Variants in SUSD3 observed in about 807,000 individuals in gnomAD.
SUSD3 encodes sushi domain containing 3.
In SUSD3, 18 loss-of-function variants were observed where a neutral mutation model predicts 20.6. The observed-to-expected ratio is 0.87, with a 90% CI of 0.60 to 1.30. The LOEUF is 1.30. SUSD3 is among the 50% of genes most tolerant of loss of function. SUSD3 has a pLI of 0.00. For synonymous variants in SUSD3, 137 were observed against 141.5 expected (o/e 0.97, Z 0.23); for missense variants, 306 against 346.9 (o/e 0.88, Z 0.94).
intron 2 of SUSD3, among the ~76,000 whole-genome samples, chr9:93,076,211 A>G (rs1188289160): frequency 6.6e-6 from 1 of 152,206 alleles, no homozygotes; most frequent in South Asian, 2.1e-4. Flanking sequence ...CGGGCCTCCA[A>G]TCCTGGCTCT....
intron 1 of SUSD3, among the ~76,000 whole-genome samples, chr9:93,059,604 C>T (rs1435952462): frequency 2.0e-5 from 3 of 152,136 alleles, no homozygotes; most frequent in African/African-American, 7.2e-5. Context: ...AGCTTACTTC[C>T]GCGGCCACTG....
At position 93,084,850 on chromosome 9, in the gene SUSD3, G is replaced by A. The variant is rs1255961555; in HGVS notation, c.*103G>A. 1.2e-5 allele frequency: 13 copies of A among 1,071,506 alleles called. No homozygotes were observed. Among genetic ancestry groups the A allele is most frequent in the African/African-American group, 6.5e-5 (4 of 61,276 alleles). The allele number at this position is 1,071,506 out of a possible 1,614,324, so 66.4% of individuals were successfully genotyped here. On this transcript the variant is annotated 3_prime_UTR_variant, in exon 5 of 5. Transcript: ENST00000375472. ...CATCAACTCCACATGCGCCCAGCTC[G>A]AGACTGATGAGTGGAATCAGCTTCC...
In SUSD3 at chr9:93,083,380, G is replaced by A. The variant is rs574472241; in HGVS notation, c.558-1157G>A. On this transcript the variant is annotated intron_variant, in intron 4 of 4. Coordinates refer to ENST00000375472, the MANE Select transcript of SUSD3 (RefSeq NM_145006.4). ...CCCCGGGCTCCCAGGCAGGATCCTC[G>A]GGATATGCCTGTGCTGGGGCTGCCC... Among the ~76,000 whole-genome samples the A allele has an allele frequency of 2.0e-3, 311 of 152,320 alleles. 1 individual carries two copies. Among genetic ancestry groups the A allele is most frequent in the African/African-American group, 5.4e-3 (226 of 41,586 alleles).
At chr9:93,064,921 A>G (rs1447265919) in intron 1 of SUSD3, among the ~76,000 whole-genome samples, 2 of 152,202 alleles carry the variant, frequency 1.3e-5, no homozygotes, top group Admixed American at 6.5e-5. Flanking sequence ...CCTTGAGTGC[A>G]TGGGAGGCCC....
intron 1 of SUSD3, among the ~76,000 whole-genome samples, chr9:93,074,616 CT>C (rs989411910): frequency 0.015 from 1,428 of 96,298 alleles, 15 homozygotes; most frequent in African/African-American, 0.059. Context: ...GCAGCAGATT[CT>C]TTTTTTTTTT....
Position 93,075,842 on chromosome 9 carries a change from T to C in SUSD3, c.147T>C (p.Asn49=). Residue 49 remains asparagine, a synonymous_variant, in exon 2 of 5, where the codon AAT becomes AAC. Coordinates refer to ENST00000375472, the MANE Select transcript of SUSD3 (RefSeq NM_145006.4). The part of the protein sequence containing the change: ...PQATFQVLRG[N]GASVGTVLMF... ...CAACCTTCCAAGTCCTTCGTGGCAA[T>C]GGTGCTTCCGTGGGGACCGTGCTCA... The C allele has an allele frequency of 6.2e-7, 1 of 1,601,008 alleles. No homozygotes were observed.
At position 93,079,611 on chromosome 9, in the gene SUSD3, G is replaced by A. The variant is rs780645603; in HGVS notation, c.557+9G>A. The A allele has an allele frequency of 1.1e-5, 17 of 1,613,086 alleles. No homozygotes were observed. The highest frequency in any genetic ancestry group is 3.3e-5 in the Admixed American group (2 of 59,986). ...AACCACAGCTTCACCACGTGAGCCC[G>A]GGTCTGGGTAGGGGACATGCTGGGG... On this transcript the variant is annotated intron_variant, in intron 4 of 4. Coordinates refer to ENST00000375472, the MANE Select transcript of SUSD3 (RefSeq NM_145006.4).
chr9:93,084,417 G>A (rs1168799897), intron 4 of SUSD3, 120 bp from the exon 5 acceptor site: 1 of 890,800 alleles, frequency 1.1e-6, no homozygotes, highest in Non-Finnish European at 1.6e-6. Flanking sequence ...GGGCTCCCCA[G>A]TGCTCAGGGC....
rs190877323 is a variant in SUSD3 at position 93,060,018 on chromosome 9, G to A, written c.88+1188G>A. ...ACTACCTGAGGAGCCCCTTCTACTGGCACAACAGCCTGGGGGCGTGGGTGC... is the reference window on the plus strand; with the variant it reads ...ACTACCTGAGGAGCCCCTTCTACTGACACAACAGCCTGGGGGCGTGGGTGC... On this transcript the variant is annotated intron_variant, in intron 1 of 4. Coordinates refer to ENST00000375472, the MANE Select transcript of SUSD3 (RefSeq NM_145006.4). Among the ~76,000 whole-genome samples the A allele has an allele frequency of 3.5e-3, 536 of 152,336 alleles. 1 individual carries two copies. Among genetic ancestry groups the A allele is most frequent in the African/African-American group, 0.012 (511 of 41,576 alleles).
intron 1 of SUSD3, chr9:93,069,149 G>A: frequency 1.4e-6 from 1 of 702,760 alleles, no homozygotes; most frequent in Non-Finnish European, 2.6e-6. Flanking sequence ...GAGATAATTT[G>A]TAAGTTTTAC....
chr9:93,058,869 C>T, intron 1 of SUSD3, 39 bp downstream of exon 1: 1 of 1,191,274 alleles, frequency 8.4e-7, no homozygotes, highest in South Asian at 3.0e-5. Context: ...CGGGGCTCTG[C>T]GCCCATTTCA....
chr9:93,059,993 ACTAC>A (rs1180523284), intron 1 of SUSD3, among the ~76,000 whole-genome samples: 1 of 152,210 alleles, frequency 6.6e-6, no homozygotes, highest in Non-Finnish European at 1.5e-5. Context: ...AGGGCCTGGT[ACTAC>A]CTGAGGAGCC....
chr9:93,079,754 G>T lies in SUSD3; in HGVS notation c.557+152G>T. 5.2e-6 allele frequency: 4 copies of T among 776,616 alleles called. No individual in the cohort carries two copies. The South Asian group carries it at 5.4e-5, about 10-fold the overall frequency. The allele number at this position is 776,616 out of a possible 1,614,324, so 48.1% of individuals were successfully genotyped here. Reference sequence around the variant, plus strand: ...CTTAACTCCCATCTCTAAAACAAGAGGCTGGTGGTCCTTGTAGCACTCTGT... The same window carrying T: ...CTTAACTCCCATCTCTAAAACAAGATGCTGGTGGTCCTTGTAGCACTCTGT... On this transcript the variant is annotated intron_variant, in intron 4 of 4. Transcript: ENST00000375472.
At chr9:93,078,086 G>A in intron 3 of SUSD3, 93 bp downstream of exon 3, 1 of 1,554,418 alleles carries the variant, frequency 6.4e-7, no homozygotes, top group East Asian at 2.2e-5. Flanking sequence ...GGGAACCCCG[G>A]CACTGCCCTC....
intron 1 of SUSD3, among the ~76,000 whole-genome samples, chr9:93,060,035 C>A (rs1056122033): frequency 1.3e-5 from 2 of 152,206 alleles, no homozygotes; most frequent in Non-Finnish European, 2.9e-5. Context: ...AGCCTGGGGG[C>A]GTGGGTGCCA....
At chr9:93,063,209 G>T (rs562646028) in intron 1 of SUSD3, among the ~76,000 whole-genome samples, 2 of 152,320 alleles carry the variant, frequency 1.3e-5, no homozygotes, top group African/African-American at 4.8e-5. Flanking sequence ...GCTAAGGGCT[G>T]AAGTTTCCCT....
intron 1 of SUSD3, among the ~76,000 whole-genome samples, chr9:93,073,071 T>G (rs1262611899): frequency 2.6e-5 from 4 of 152,022 alleles, no homozygotes; most frequent in Admixed American, 6.6e-5. Flanking sequence ...TCCCTCAGAC[T>G]CTGCATGCCC....
At chr9:93,082,424 TCTC>T (rs752301610) in intron 4 of SUSD3, among the ~76,000 whole-genome samples, 1 of 150,554 alleles carries the variant, frequency 6.6e-6, no homozygotes, top group Non-Finnish European at 1.5e-5. Flanking sequence ...TTCACACCAT[TCTC>T]CTGCCTCAGC....
At chr9:93,069,315 C>A (rs1391962297) in intron 1 of SUSD3, among the ~76,000 whole-genome samples, 2 of 152,126 alleles carry the variant, frequency 1.3e-5, no homozygotes, top group Non-Finnish European at 2.9e-5. Flanking sequence ...TTAATAATGG[C>A]CCAAAACACA....
Sources: allele counts gnomAD v4.1 joint callset (sites outside exome capture counted in the v4.1 genomes callset), GRCh38; gene constraint gnomAD v4.1.1; transcripts MANE v1.5; gene names NCBI Gene and HGNC (gene_info 2026-07-23, HGNC 2026-07-21).